AHCYL2: variants seen among roughly 807,000 people sequenced by gnomAD.
AHCYL2 encodes adenosylhomocysteinase like 2.
AHCYL2 carries 28 observed loss-of-function variants against 81.4 expected under a neutral mutation model. That is an observed-to-expected ratio of 0.34 (90% CI 0.25 to 0.47). The LOEUF (loss-of-function observed/expected upper bound fraction) is 0.47, where lower values mean the gene tolerates loss of function less well. Among genes scored for constraint, AHCYL2 ranks in the 20% least tolerant of loss-of-function variants. The pLI is 1.00. For missense variants in AHCYL2, 551 were observed against 785.1 expected (o/e 0.70, Z 3.56); for synonymous variants, 272 against 290.2 (o/e 0.94, Z 0.64).
chr7:129,271,480 C>T (rs1458872934), intron 1 of AHCYL2, among the ~76,000 whole-genome samples: 9 of 151,030 alleles, frequency 6.0e-5, no homozygotes, highest in South Asian at 2.1e-4. Flanking sequence ...ATTCATAGAA[C>T]AGAATACTAT....
intron 7 of AHCYL2, among the ~76,000 whole-genome samples, chr7:129,404,390 G>C (rs1007583574): frequency 2.0e-5 from 3 of 152,092 alleles, no homozygotes; most frequent in African/African-American, 7.2e-5. Flanking sequence ...AAAGTTGTAG[G>C]GAAGTAAATT....
intron 9 of AHCYL2, 55 bp downstream of exon 9, chr7:129,405,954 T>C: frequency 6.4e-7 from 1 of 1,563,224 alleles, no homozygotes; most frequent in Non-Finnish European, 8.8e-7. Context: ...GTTGAAATAT[T>C]CTGGAATTTT....
At chr7:129,295,339 C>G (rs576651715) in intron 1 of AHCYL2, among the ~76,000 whole-genome samples, 3 of 152,286 alleles carry the variant, frequency 2.0e-5, no homozygotes, top group Non-Finnish European at 4.4e-5. Flanking sequence ...CATTGCTGAG[C>G]AGCAGCTTTA....
chr7:129,303,778 C>T (rs543673033), intron 1 of AHCYL2, among the ~76,000 whole-genome samples: 1 of 152,182 alleles, frequency 6.6e-6, no homozygotes, highest in South Asian at 2.1e-4. Context: ...GATATAGGAA[C>T]TTATAGCTAT....
At chr7:129,283,206 C>T (rs981160960) in intron 1 of AHCYL2, among the ~76,000 whole-genome samples, 1 of 152,160 alleles carries the variant, frequency 6.6e-6, no homozygotes, top group African/African-American at 2.4e-5. Flanking sequence ...AGCTCAATCT[C>T]TTCAACGAAG....
chr7:129,379,797 G>T (rs150553280), intron 2 of AHCYL2, 48 bp downstream of exon 2: 1 of 1,429,178 alleles, frequency 7.0e-7, no homozygotes, highest in Non-Finnish European at 9.8e-7. Flanking sequence ...TAATAAGTAC[G>T]ATCTCAATGG....
At chr7:129,321,739 C>G (rs369843463) in intron 1 of AHCYL2, among the ~76,000 whole-genome samples, 4 of 38,736 alleles carry the variant, frequency 1.0e-4, no homozygotes, top group South Asian at 9.6e-4. Context: ...TGTATTCTTT[C>G]TTTGTTTTTT....
intron 4 of AHCYL2, among the ~76,000 whole-genome samples, chr7:129,394,043 C>T (rs529553699): frequency 1.8e-4 from 28 of 152,122 alleles, no homozygotes; most frequent in Non-Finnish European, 3.2e-4. Flanking sequence ...CTCACTGTGT[C>T]ACCCAGGCTG....
chr7:129,234,139 C>G (rs1043342057), intron 1 of AHCYL2, among the ~76,000 whole-genome samples: 2 of 152,180 alleles, frequency 1.3e-5, no homozygotes, highest in African/African-American at 4.8e-5. Context: ...CACCCTCAAC[C>G]TCCTGAGCTC....
chr7:129,384,619 CAG>C (rs1795120295), intron 2 of AHCYL2, among the ~76,000 whole-genome samples: 1 of 152,140 alleles, frequency 6.6e-6, no homozygotes, highest in African/African-American at 2.4e-5. Context: ...TGAAGATACT[CAG>C]AGGCTTACAT....
chr7:129,310,589 A>T (rs116316199), intron 1 of AHCYL2, among the ~76,000 whole-genome samples: 1 of 152,246 alleles, frequency 6.6e-6, no homozygotes, highest in Non-Finnish European at 1.5e-5. Context: ...CAGATGTAAA[A>T]TAAAATCAGT....
At chr7:129,408,029 G>A (rs1796384829) in intron 10 of AHCYL2, among the ~76,000 whole-genome samples, 1 of 152,210 alleles carries the variant, frequency 6.6e-6, no homozygotes, top group African/African-American at 2.4e-5. Flanking sequence ...GTAGTTGGCA[G>A]ATGAAATACA....
chr7:129,347,967 T>A (rs776772451), intron 1 of AHCYL2, among the ~76,000 whole-genome samples: 4 of 152,200 alleles, frequency 2.6e-5, no homozygotes, highest in Non-Finnish European at 5.9e-5. Flanking sequence ...CCAAAACAAT[T>A]TCTGAAAATA....
At chr7:129,239,891 G>A (rs1584692505) in intron 1 of AHCYL2, among the ~76,000 whole-genome samples, 1 of 151,776 alleles carries the variant, frequency 6.6e-6, no homozygotes, top group East Asian at 1.9e-4. Flanking sequence ...CCTCTACCCA[G>A]TCCCTTCCCA....
intron 5 of AHCYL2, 36 bp downstream of exon 5, chr7:129,397,360 A>T (rs936061931): frequency 5.0e-6 from 8 of 1,588,670 alleles, no homozygotes; most frequent in Non-Finnish European, 6.9e-6. Context: ...GGCTAAAGTA[A>T]GTCTATTTGG....
At chr7:129,341,167 G>A (rs552305486) in intron 1 of AHCYL2, among the ~76,000 whole-genome samples, 1 of 152,332 alleles carries the variant, frequency 6.6e-6, no homozygotes, top group African/African-American at 2.4e-5. Flanking sequence ...CAAAGAGGTA[G>A]TTAGAACTTG....
intron 6 of AHCYL2, among the ~76,000 whole-genome samples, chr7:129,401,108 C>T (rs1346565671): frequency 6.6e-6 from 1 of 152,078 alleles, no homozygotes; most frequent in Non-Finnish European, 1.5e-5. Context: ...TGGATTACTT[C>T]AGCCCAGGAG....
At position 129,406,790 on chromosome 7, in the gene AHCYL2, TG is replaced by T. The variant is rs1048154852; in HGVS notation, c.1295+325del. Among the ~76,000 whole-genome samples the T allele has an allele frequency of 3.3e-4, 50 of 152,344 alleles. No individual in the cohort carries two copies. Among genetic ancestry groups the T allele is most frequent in the South Asian group, 1.7e-3 (8 of 4,826 alleles). On this transcript the variant is annotated intron_variant, in intron 10 of 16. Transcript: ENST00000325006. The surrounding 1 kb of genome is among the most constrained non-coding windows in gnomAD (Gnocchi z 4.3). Reference sequence around the variant, plus strand: ...AAATTGGCAGGCATCAGATGCCTTCTGATGTGTTACACTGAAAATAGCCCTT... The same window carrying T: ...AAATTGGCAGGCATCAGATGCCTTCTATGTGTTACACTGAAAATAGCCCTT...
intron 1 of AHCYL2, among the ~76,000 whole-genome samples, chr7:129,263,198 A>T (rs1795699981): frequency 6.6e-6 from 1 of 152,220 alleles, no homozygotes; most frequent in South Asian, 2.1e-4. Flanking sequence ...TTTTTTGCTC[A>T]TACTGCATGT....
Sources: gnomAD v4.1 joint callset for allele counts (sites outside exome capture counted in the v4.1 genomes callset) on GRCh38, gnomAD v4.1.1 for gene constraint, Gnocchi (gnomAD v3.1) non-coding constraint, MANE v1.5 for transcripts, NCBI Gene and HGNC (gene_info 2026-07-23, HGNC 2026-07-21) for gene names.